Variants in DRGX observed in about 807,000 individuals in gnomAD.
DRGX encodes dorsal root ganglia homeobox protein.
Under a neutral mutation model 28.6 loss-of-function variants are expected in DRGX, and 21 were observed. The observed-to-expected ratio is 0.73, with a 90% CI of 0.52 to 1.06. The LOEUF (loss-of-function observed/expected upper bound fraction) is 1.06. Among genes scored for constraint, DRGX ranks in the 50% least tolerant of loss-of-function variants. The pLI is 0.00. For synonymous variants in DRGX, 136 were observed against 139.1 expected, an observed-to-expected ratio of 0.98 and a Z score of 0.16; for missense variants, 354 against 343.9, an observed-to-expected ratio of 1.03 and a Z score of -0.23.
intron 6 of DRGX, among the ~76,000 whole-genome samples, chr10:49,368,843 G>C (rs933792782): frequency 1.3e-5 from 2 of 152,222 alleles, no homozygotes; most frequent in Admixed American, 6.5e-5. Flanking sequence ...AATTTTAAAT[G>C]AATGTTAAAA....
At position 49,364,263 on chromosome 10, in the gene DRGX, G is replaced by A. The variant is rs556357107; in HGVS notation, c.*1853C>T. The A allele has an allele frequency of 6.6e-5, 10 of 152,092 alleles. No individual in the cohort carries two copies. In the East Asian group the frequency reaches 1.2e-3, roughly 18 times the overall value. 9.4% of individuals were successfully genotyped at this position (152,092 alleles called of 1,614,324 possible). A position where few individuals can be genotyped will look rare whatever the true frequency, so the allele number is the denominator to read the frequency against. On this transcript the variant is annotated 3_prime_UTR_variant, in exon 7 of 7. Coordinates refer to ENST00000374139, the MANE Select transcript of DRGX (RefSeq NM_001276451.2). The stretch of plus-strand genomic sequence containing the variant: ...AGTTTTGCACAGTCACTAGAGTGTC[G>A]CATCATGAATTATTAAATCAGTGCT...
intron 6 of DRGX, among the ~76,000 whole-genome samples, chr10:49,385,876 G>A (rs982633950): frequency 6.6e-6 from 1 of 152,116 alleles, no homozygotes; most frequent in African/African-American, 2.4e-5. Flanking sequence ...CAGAATCTGA[G>A]AAACACTGGA....
At chr10:49,368,588 C>T (rs12220898) in intron 6 of DRGX, among the ~76,000 whole-genome samples, 14,950 of 152,280 alleles carry the variant, frequency 0.098, 948 homozygotes, top group Admixed American at 0.14. Flanking sequence ...TGCTATGAGC[C>T]TCAGTCCTTC....
chr10:49,371,934 C>A (rs1203392750), intron 6 of DRGX, among the ~76,000 whole-genome samples: 1 of 152,016 alleles, frequency 6.6e-6, no homozygotes, highest in Admixed American at 6.6e-5. Flanking sequence ...AAGACTGCCA[C>A]AAACTAGAAA....
intron 2 of DRGX, among the ~76,000 whole-genome samples, chr10:49,394,820 AGCCAT>A (rs2132489600): frequency 6.6e-6 from 1 of 152,272 alleles, no homozygotes; most frequent in African/African-American, 2.4e-5. Flanking sequence ...ACAGAGAAGG[AGCCAT>A]GCTAGGTCAG....
At chr10:49,378,182 A>T (rs1018716131) in intron 6 of DRGX, among the ~76,000 whole-genome samples, 3 of 152,314 alleles carry the variant, frequency 2.0e-5, no homozygotes, top group South Asian at 4.2e-4. Context: ...AGTAATTTTT[A>T]AAAATGATAA....
At position 49,386,768 on chromosome 10, in the gene DRGX, C is replaced by T; in HGVS notation, c.325G>A (p.Val109Met). The change falls in exon 5 of 7, where the codon GTG (valine) becomes ATG (methionine). Residue 109 changes from valine (V) to methionine (M), a missense_variant. Physicochemically the swap from Val to Met is conservative, Grantham distance 21 (BLOSUM62 1). Coordinates refer to ENST00000374139, the MANE Select transcript of DRGX (RefSeq NM_001276451.2). ...EPGAKEPMAE[V>M]TPPPVRNINS... ...ATGTTTCTCACTGGAGGAGGTGTCA[C>T]CTCTGCCATGGGCTCCTTGGCTCCT... is the stretch of plus-strand genomic sequence containing the variant. The T allele has an allele frequency of 6.2e-7, 1 of 1,610,690 alleles. No homozygotes were observed. The highest frequency in any genetic ancestry group is 8.5e-7 in the Non-Finnish European group (1 of 1,178,428).
intron 4 of DRGX, among the ~76,000 whole-genome samples, chr10:49,389,235 A>G (rs113807309): frequency 1.6e-3 from 244 of 152,268 alleles, no homozygotes; most frequent in African/African-American, 5.5e-3. Flanking sequence ...ACAACCCCCA[A>G]TTTACTGCTC....
intron 6 of DRGX, among the ~76,000 whole-genome samples, chr10:49,367,033 A>C (rs1849608957): frequency 6.6e-6 from 1 of 152,218 alleles, no homozygotes. Flanking sequence ...AAGGCACATA[A>C]GCCCCTTAGA....
chr10:49,391,372 T>C lies in DRGX; in HGVS notation c.35-111A>G, dbSNP rs1849903501. The C allele has an allele frequency of 6.3e-6, 5 of 797,042 alleles. No individual in the cohort carries two copies. In the East Asian group the frequency reaches 8.0e-5, roughly 13 times the overall value. The allele number at this position is 797,042 out of a possible 1,614,324, so 49.4% of individuals were successfully genotyped here. ...TGACCCACCAGACAGGAAGCCCTGT[T>C]TGTCCCAAAGGATATTTTTCTGTTC... On this transcript the variant is annotated intron_variant, in intron 2 of 6. Transcript: ENST00000374139.
At chr10:49,370,883 G>T (rs771818740) in intron 6 of DRGX, among the ~76,000 whole-genome samples, 1 of 152,200 alleles carries the variant, frequency 6.6e-6, no homozygotes, top group Non-Finnish European at 1.5e-5. Flanking sequence ...CATCCCACAG[G>T]GTTGTAGGTT....
At chr10:49,393,780 A>G (rs980062352) in intron 2 of DRGX, among the ~76,000 whole-genome samples, 6 of 152,222 alleles carry the variant, frequency 3.9e-5, no homozygotes, top group African/African-American at 1.4e-4. Flanking sequence ...TTCTGGTTAT[A>G]TCACAGAGTC....
intron 6 of DRGX, among the ~76,000 whole-genome samples, chr10:49,382,821 G>A (rs1849791530): frequency 6.6e-6 from 1 of 152,118 alleles, no homozygotes; most frequent in South Asian, 2.1e-4. Context: ...CCTTCTTCCT[G>A]GACACTGTCT....
chr10:49,366,403 G>T lies in DRGX; in HGVS notation c.527-22C>A, dbSNP rs368998576. On this transcript the variant is annotated intron_variant, in intron 6 of 6. Transcript: ENST00000374139. ...CCCCCTGGAAAAGGAAAAACAACAG[G>T]CTCCCATCACTGTCTACTTTCTGCC... The T allele has an allele frequency of 1.7e-4, 277 of 1,583,110 alleles. No homozygotes were observed. In the African/African-American group the frequency reaches 3.1e-3, roughly 18 times the overall value.
chr10:49,368,314 G>C (rs1203772325), intron 6 of DRGX, among the ~76,000 whole-genome samples: 5 of 152,208 alleles, frequency 3.3e-5, no homozygotes, highest in Non-Finnish European at 4.4e-5. Flanking sequence ...CCTACCTCAA[G>C]TTTGACTGAG....
intron 6 of DRGX, among the ~76,000 whole-genome samples, chr10:49,372,477 C>T (rs1849670954): frequency 6.6e-6 from 1 of 152,174 alleles, no homozygotes; most frequent in Non-Finnish European, 1.5e-5. Context: ...TCAGCTTCTT[C>T]GCCTTAACAC....
intron 6 of DRGX, among the ~76,000 whole-genome samples, chr10:49,372,029 A>C (rs183724418): frequency 8.3e-4 from 126 of 152,284 alleles, no homozygotes; most frequent in African/African-American, 2.9e-3. Flanking sequence ...AAAACACTCA[A>C]AATGCATAAT....
At position 49,367,725 on chromosome 10, in the gene DRGX, A is replaced by C. The variant is rs377039824; in HGVS notation, c.527-1344T>G. On this transcript the variant is annotated intron_variant, in intron 6 of 6. Transcript: ENST00000374139. Reference sequence around the variant, plus strand: ...CCAGCCGAGGCTGAGGGCTGCAGCAAGGTCAGCACCAAGGTCAGCACACTT... The same window carrying C: ...CCAGCCGAGGCTGAGGGCTGCAGCACGGTCAGCACCAAGGTCAGCACACTT... Among the ~76,000 whole-genome samples, 26 of 152,348 alleles carry C rather than the reference A, an allele frequency of 1.7e-4. No individual in the cohort carries two copies. In the East Asian group the frequency reaches 2.7e-3, roughly 16 times the overall value.
At chr10:49,376,640 A>T (rs377248822) in intron 6 of DRGX, among the ~76,000 whole-genome samples, 1 of 152,220 alleles carries the variant, frequency 6.6e-6, no homozygotes, top group African/African-American at 2.4e-5. Context: ...TGCCAGATGC[A>T]TGGGCACCAT....
Sources: gnomAD v4.1 joint callset for allele counts (sites outside exome capture counted in the v4.1 genomes callset) on GRCh38, gnomAD v4.1.1 for gene constraint, MANE v1.5 for transcripts, NCBI Gene and HGNC (gene_info 2026-07-23, HGNC 2026-07-21) for gene names.